TTLL7: variants seen among roughly 807,000 people sequenced by gnomAD.
TTLL7 encodes tubulin tyrosine ligase like 7, also known as tubulin polyglutamylase TTLL7.
A neutral mutation model predicts 120.2 loss-of-function variants in TTLL7; 53 were observed. The observed-to-expected ratio is 0.44, with a 90% confidence interval of 0.35 to 0.55. TTLL7 has a LOEUF of 0.55. Among genes scored for constraint, TTLL7 ranks in the 20% least tolerant of loss-of-function variants. The probability of loss-of-function intolerance (pLI) is 0.00; values close to 1 mark genes in which losing one functional copy is unlikely to be tolerated. For synonymous variants in TTLL7, 353 were observed against 351.7 expected, an observed-to-expected ratio of 1.00 and a Z score of -0.04; for missense variants, 803 against 1,054.7, an observed-to-expected ratio of 0.76 and a Z score of 3.31.
At chr1:83,892,646 ATG>A (rs1280527943) in intron 18 of TTLL7, among the ~76,000 whole-genome samples, 1 of 115,610 alleles carries the variant, frequency 8.6e-6, no homozygotes, top group African/African-American at 2.8e-5. Context: ...GAACATATAT[ATG>A]AACATATGAA....
At chr1:83,971,551 C>T (rs1366540683) in intron 1 of TTLL7, among the ~76,000 whole-genome samples, 3 of 152,014 alleles carry the variant, frequency 2.0e-5, no homozygotes, top group Non-Finnish European at 4.4e-5. Context: ...ACATGGTTCA[C>T]ATCCCCAGGA....
chr1:83,987,462 AT>A (rs898963595), intron 1 of TTLL7, among the ~76,000 whole-genome samples: 1 of 152,258 alleles, frequency 6.6e-6, no homozygotes, highest in Non-Finnish European at 1.5e-5. Context: ...CATTAGATAG[AT>A]TTTTTTAAAG....
intron 19 of TTLL7, among the ~76,000 whole-genome samples, chr1:83,885,618 T>C (rs77444565): frequency 0.058 from 8,850 of 152,116 alleles, 421 homozygotes; most frequent in African/African-American, 0.13. Flanking sequence ...TATTAATCCA[T>C]ATTTAGGTGT....
chr1:83,906,741 T>A (rs1657230714), intron 16 of TTLL7, among the ~76,000 whole-genome samples: 1 of 152,058 alleles, frequency 6.6e-6, no homozygotes, highest in Non-Finnish European at 1.5e-5. Context: ...TCAGTTTCAT[T>A]TGCTACATAT....
At chr1:83,900,136 A>G (rs1372106710) in intron 18 of TTLL7, 3 of 443,962 alleles carry the variant, frequency 6.8e-6, no homozygotes, top group Admixed American at 2.5e-5. Flanking sequence ...CTCACATCAC[A>G]TGTAAAAAAC....
chr1:83,976,726 T>C (rs1278416191), intron 1 of TTLL7, among the ~76,000 whole-genome samples: 1 of 152,064 alleles, frequency 6.6e-6, no homozygotes, highest in Non-Finnish European at 1.5e-5. Context: ...ACCAGCCTAT[T>C]CTCTTACCCA....
In TTLL7 at chr1:83,911,316, C is replaced by T; in HGVS notation, c.1635G>A (p.Lys545=). ...CATAACTGCTGTCACTGCTGCAGTA[C>T]TTTGGTCTTTTCATTATCTCAGTAC... ...PESTEIMKRP[K]YCSSDSSYDS... The change falls in exon 15 of 21, where the codon AAG becomes AAA. Residue 545 remains lysine, a synonymous_variant. Coordinates refer to ENST00000260505, the MANE Select transcript of TTLL7 (RefSeq NM_024686.6). The T allele has an allele frequency of 5.0e-6, 8 of 1,613,666 alleles. No individual in the cohort carries two copies. The South Asian group carries it at 8.8e-5, about 18-fold the overall frequency.
intron 13 of TTLL7, among the ~76,000 whole-genome samples, 177 bp from the exon 14 acceptor site, chr1:83,917,867 T>C (rs958778936): frequency 3.9e-5 from 6 of 152,148 alleles, no homozygotes; most frequent in Admixed American, 2.6e-4. Flanking sequence ...AAACTTTCAC[T>C]AAAATCTGGC....
intron 1 of TTLL7, among the ~76,000 whole-genome samples, chr1:83,959,634 T>C (rs915727766): frequency 2.0e-5 from 3 of 152,168 alleles, no homozygotes; most frequent in African/African-American, 7.2e-5. Context: ...CACACTCATT[T>C]TGTAGAAAAG....
intron 14 of TTLL7, among the ~76,000 whole-genome samples, chr1:83,914,744 T>C (rs1234371389): frequency 6.6e-6 from 1 of 152,190 alleles, no homozygotes; most frequent in African/African-American, 2.4e-5. Flanking sequence ...TCTATGGGGC[T>C]GTAGCACTTT....
intron 18 of TTLL7, among the ~76,000 whole-genome samples, chr1:83,891,304 A>G (rs1199817422): frequency 6.6e-6 from 1 of 152,114 alleles, no homozygotes; most frequent in Admixed American, 6.6e-5. Context: ...CATTACAAAC[A>G]GGCATTTCAG....
At chr1:83,924,236 G>A (rs1354641899) in intron 10 of TTLL7, among the ~76,000 whole-genome samples, 2 of 152,150 alleles carry the variant, frequency 1.3e-5, no homozygotes, top group Non-Finnish European at 2.9e-5. Context: ...TGAAATGTGG[G>A]GGGAAGTATG....
chr1:83,903,030 T>G (rs1021331992), intron 18 of TTLL7, among the ~76,000 whole-genome samples: 1 of 151,968 alleles, frequency 6.6e-6, no homozygotes, highest in Non-Finnish European at 1.5e-5. Flanking sequence ...GGTTCTATTC[T>G]TCACAAGTAG....
chr1:83,881,162 A>T (rs1654422458), intron 20 of TTLL7, among the ~76,000 whole-genome samples: 2 of 151,810 alleles, frequency 1.3e-5, no homozygotes, highest in South Asian at 4.2e-4. Context: ...AGGCAATACC[A>T]TTCAGGACAT....
chr1:83,916,914 A>T (rs1658237636), intron 14 of TTLL7, among the ~76,000 whole-genome samples: 1 of 152,058 alleles, frequency 6.6e-6, no homozygotes. Flanking sequence ...ACACAGTGAG[A>T]CACCATCTCT....
intron 8 of TTLL7, among the ~76,000 whole-genome samples, chr1:83,935,100 T>C (rs1647269510): frequency 6.6e-6 from 1 of 152,158 alleles, no homozygotes; most frequent in South Asian, 2.1e-4. Context: ...AAGTATCAGA[T>C]GTCCCATGAG....
At chr1:83,872,510 C>T (rs984955171) in intron 20 of TTLL7, among the ~76,000 whole-genome samples, 2 of 152,162 alleles carry the variant, frequency 1.3e-5, no homozygotes, top group Non-Finnish European at 2.9e-5. Context: ...ATCCACTATT[C>T]CATAGTAGTT....
At chr1:83,947,084 T>A (rs1463649188) in intron 6 of TTLL7, 40 bp downstream of exon 6, 4 of 1,524,028 alleles carry the variant, frequency 2.6e-6, no homozygotes, top group Non-Finnish European at 3.5e-6. Flanking sequence ...CTCCCAAATT[T>A]TTTTTTATTT....
chr1:83,909,736 CA>C (rs1657521245), intron 15 of TTLL7, among the ~76,000 whole-genome samples: 1 of 152,054 alleles, frequency 6.6e-6, no homozygotes, highest in South Asian at 2.1e-4. Context: ...GGTCTAAGAA[CA>C]AAGAACAATC....
Sources: gnomAD v4.1 joint callset for allele counts (sites outside exome capture counted in the v4.1 genomes callset) on GRCh38, gnomAD v4.1.1 for gene constraint, MANE v1.5 for transcripts, NCBI Gene and HGNC (gene_info 2026-07-23, HGNC 2026-07-21) for gene names.